The following NFIA variants were observed in gnomAD, a reference collection of about 807,000 sequenced individuals.
The protein encoded by NFIA is nuclear factor I A, also known as nuclear factor 1 A-type.
In NFIA, 8 loss-of-function variants were observed where a neutral mutation model predicts 62.8. The observed-to-expected ratio is 0.13, with a 90% confidence interval of 0.07 to 0.23. The LOEUF (loss-of-function observed/expected upper bound fraction) is 0.23, where lower values mean the gene tolerates loss of function less well. Among genes scored for constraint, NFIA ranks in the 10% least tolerant of loss-of-function variants. The probability of loss-of-function intolerance (pLI) is 1.00; values close to 1 mark genes in which losing one functional copy is unlikely to be tolerated. For missense variants in NFIA, 410 were observed against 642.1 expected (o/e 0.64, Z 3.91); for synonymous variants, 235 against 238.1 (o/e 0.99, Z 0.12).
intron 10 of NFIA, among the ~76,000 whole-genome samples, chr1:61,441,492 G>A (rs1173854739): frequency 6.6e-6 from 1 of 152,068 alleles, no homozygotes; most frequent in African/African-American, 2.4e-5. Flanking sequence ...TTCTACATGA[G>A]GCAGGTTGTA....
At chr1:61,319,967 A>G (rs998514525) in intron 3 of NFIA, among the ~76,000 whole-genome samples, 1 of 152,086 alleles carries the variant, frequency 6.6e-6, no homozygotes, top group African/African-American at 2.4e-5. Flanking sequence ...ACACATGCTC[A>G]CTTCCAGCTG....
chr1:61,272,250 C>T (rs1329578946), intron 2 of NFIA, among the ~76,000 whole-genome samples: 1 of 152,092 alleles, frequency 6.6e-6, no homozygotes, highest in African/African-American at 2.4e-5. Flanking sequence ...CATGTGTACA[C>T]CTGTACGCTG....
chr1:61,175,040 A>C (rs1297298386), intron 2 of NFIA, among the ~76,000 whole-genome samples: 1 of 152,136 alleles, frequency 6.6e-6, no homozygotes, highest in Non-Finnish European at 1.5e-5. Flanking sequence ...AAACAAAAAA[A>C]CACATCTCAA....
At chr1:61,230,507 A>G (rs929308595) in intron 2 of NFIA, among the ~76,000 whole-genome samples, 1 of 152,088 alleles carries the variant, frequency 6.6e-6, no homozygotes, top group African/African-American at 2.4e-5. Flanking sequence ...ATTAATTCCT[A>G]TCCTACCCTA....
chr1:61,244,802 T>G (rs1163453575), intron 2 of NFIA, among the ~76,000 whole-genome samples: 2 of 152,164 alleles, frequency 1.3e-5, no homozygotes, highest in Non-Finnish European at 2.9e-5. Context: ...GCATAATAAT[T>G]TACTTCACAT....
chr1:61,310,743 C>T lies in NFIA; in HGVS notation c.626-21769C>T, dbSNP rs1434664909. On this transcript the variant is annotated intron_variant, in intron 3 of 10. Coordinates refer to ENST00000403491, the MANE Select transcript of NFIA (RefSeq NM_001134673.4). ...TCCTCCTTCCCCTCCCCTCTCATCC[C>T]CTCCTCCTGCTTCTCCCTCTTTTCC... Among the ~76,000 whole-genome samples, 35 of 147,108 alleles carry T rather than the reference C, an allele frequency of 2.4e-4. 1 individual carries two copies. Among genetic ancestry groups the T allele is most frequent in the Admixed American group, 2.4e-3 (35 of 14,824 alleles).
At chr1:61,090,470 A>G (rs763087206) in intron 2 of NFIA, among the ~76,000 whole-genome samples, 3 of 152,188 alleles carry the variant, frequency 2.0e-5, no homozygotes, top group Non-Finnish European at 2.9e-5. Flanking sequence ...CGTCTTAAAC[A>G]TTTCTCTGTT....
chr1:61,268,634 GT>G (rs774167755), intron 2 of NFIA, among the ~76,000 whole-genome samples: 2 of 152,138 alleles, frequency 1.3e-5, no homozygotes, highest in Non-Finnish European at 2.9e-5. Flanking sequence ...GTGTTTTCCT[GT>G]TGATGCACAA....
At chr1:61,208,775 T>A (rs146455646) in intron 2 of NFIA, among the ~76,000 whole-genome samples, 403 of 152,332 alleles carry the variant, frequency 2.6e-3, no homozygotes, top group African/African-American at 9.3e-3. Flanking sequence ...AAATATGATA[T>A]GTCTTAAGCT....
At chr1:61,291,570 A>G (rs771249432) in intron 3 of NFIA, among the ~76,000 whole-genome samples, 1 of 152,224 alleles carries the variant, frequency 6.6e-6, no homozygotes, top group Non-Finnish European at 1.5e-5. Flanking sequence ...TATAGAGGAC[A>G]AGGAAACTGA....
Position 61,404,168 on chromosome 1 carries a change from G to A in NFIA, c.1140G>A (p.Gly380=), listed in dbSNP as rs143235745. The change falls in exon 8 of 11, where the codon GGG becomes GGA. Residue 380 remains glycine, a synonymous_variant. Coordinates refer to ENST00000403491, the MANE Select transcript of NFIA (RefSeq NM_001134673.4). ...FPTSPIIQQP[G]PYFSHPAIRY... is the part of the protein sequence containing the mutation. ...CATCACCCATTATCCAGCAGCCTGG[G>A]CCTTACTTCTCACACCCAGCCATCC... The A allele has an allele frequency of 2.5e-6, 4 of 1,614,072 alleles. No individual in the cohort carries two copies. The highest frequency in any genetic ancestry group is 1.3e-5 in the African/African-American group (1 of 74,918).
At chr1:61,127,832 A>G (rs982123510) in intron 2 of NFIA, among the ~76,000 whole-genome samples, 1 of 152,210 alleles carries the variant, frequency 6.6e-6, no homozygotes, top group African/African-American at 2.4e-5. Context: ...TTATAAGCCC[A>G]GGATTGTTCA....
Position 61,309,491 on chromosome 1 carries a change from C to CAACA in NFIA, c.626-23019_626-23018insCAAA, listed in dbSNP as rs1553171040. On this transcript the variant is annotated intron_variant, in intron 3 of 10. Transcript: ENST00000403491. ...TCCACAGTGAGAAAAACAACAACAA[C>CAACA]AAAAAAAAAAACACAAAATTCACAC... 9.6e-4 allele frequency among the ~76,000 whole-genome samples: 141 copies of CAACA among 147,160 alleles called. 1 individual carries two copies. The highest frequency in any genetic ancestry group is 3.5e-3 in the Middle Eastern group (1 of 288).
intron 2 of NFIA, among the ~76,000 whole-genome samples, chr1:61,180,147 C>T (rs1650661672): frequency 6.6e-6 from 1 of 152,194 alleles, no homozygotes; most frequent in African/African-American, 2.4e-5. Flanking sequence ...TCCCATCCAG[C>T]ATCATGGCCA....
rs1569948689 is a variant in NFIA, at chr1:61,462,150, T to G, written c.*6830T>G. The G allele has an allele frequency of 1.3e-5, 2 of 151,278 alleles. No homozygotes were observed. The highest frequency in any genetic ancestry group is 4.9e-5 in the African/African-American group (2 of 41,144). 9.4% of individuals were successfully genotyped at this position (151,278 alleles called of 1,614,324 possible). On this transcript the variant is annotated 3_prime_UTR_variant, in exon 11 of 11. Transcript: ENST00000403491. ...TTGAGAGAACTAACGGCTCGGTGCCTTCTCCCTGGTCTCAGACCATCGTCT... is the reference window on the plus strand; with the variant it reads ...TTGAGAGAACTAACGGCTCGGTGCCGTCTCCCTGGTCTCAGACCATCGTCT...
intron 2 of NFIA, among the ~76,000 whole-genome samples, chr1:61,129,692 C>T (rs1305220191): frequency 6.6e-6 from 1 of 151,870 alleles, no homozygotes; most frequent in African/African-American, 2.4e-5. Context: ...TCAAGTGATC[C>T]GCCCACCTCA....
chr1:61,106,282 A>C (rs993181830), intron 2 of NFIA, among the ~76,000 whole-genome samples: 1 of 151,812 alleles, frequency 6.6e-6, no homozygotes, highest in Non-Finnish European at 1.5e-5. Context: ...GTTTATTTTA[A>C]ACCAGACATA....
chr1:61,455,194 C>A, intron 10 of NFIA, 109 bp from the exon 11 acceptor site: 2 of 1,098,192 alleles, frequency 1.8e-6, no homozygotes, highest in Non-Finnish European at 2.7e-6. Flanking sequence ...CAGCGAATCC[C>A]TCCCGCATCC....
chr1:61,139,325 T>TTAGGTAAC (rs1340604132), intron 2 of NFIA, among the ~76,000 whole-genome samples: 1 of 152,162 alleles, frequency 6.6e-6, no homozygotes, highest in Non-Finnish European at 1.5e-5. Flanking sequence ...GATCCCATTA[T>TTAGGTAAC]TAGGTAACTG....
Sources: gnomAD v4.1 joint callset for allele counts (sites outside exome capture counted in the v4.1 genomes callset) on GRCh38, gnomAD v4.1.1 for gene constraint, MANE v1.5 for transcripts, NCBI Gene and HGNC (gene_info 2026-07-23, HGNC 2026-07-21) for gene names.